PTCD3: variants seen among roughly 807,000 people sequenced by gnomAD.
PTCD3 encodes pentatricopeptide repeat domain 3.
A neutral mutation model predicts 101.9 loss-of-function variants in PTCD3; 89 were observed. The ratio of observed to expected loss-of-function variants is 0.87; its 90% confidence interval spans 0.74 to 1.04. The LOEUF is 1.04. Ranked by LOEUF, PTCD3 falls within the 50% of genes least tolerant of loss-of-function variation. The pLI is 0.00. For synonymous variants in PTCD3, 296 were observed against 278.5 expected (o/e 1.06, Z -0.63); for missense variants, 870 against 828.2 (o/e 1.05, Z -0.62).
chr2:86,111,120 G>C lies in PTCD3; in HGVS notation c.202G>C (p.Val68Leu). Residue 68 changes from valine (V) to leucine (L), a missense_variant, in exon 4 of 24, where the codon GTA becomes CTA. Coordinates refer to ENST00000254630, the MANE Select transcript of PTCD3 (RefSeq NM_017952.6). Reference protein sequence around the residue: ...VIPKKKTWDKVAVLQALASTV... With the variant: ...VIPKKKTWDKLAVLQALASTV... ...TGTGGTTCTTATTTTTAGGGATAAA[G>C]TAGCCGTTCTTCAGGCACTTGCATC... is the stretch of plus-strand genomic sequence containing the variant. 1 of 1,613,368 alleles carries C rather than the reference G, an allele frequency of 6.2e-7. No homozygotes were observed. The highest frequency in any genetic ancestry group is 1.3e-5 in the African/African-American group (1 of 75,004).
At chr2:86,110,759 T>G (rs1674063554) in intron 3 of PTCD3, among the ~76,000 whole-genome samples, 1 of 152,150 alleles carries the variant, frequency 6.6e-6, no homozygotes, top group African/African-American at 2.4e-5. Context: ...AGCTACCAAT[T>G]AGGATAGTAA....
In PTCD3 at chr2:86,127,159, A is replaced by T. The variant is rs754425967; in HGVS notation, c.952-2A>T. On this transcript the variant is annotated splice_acceptor_variant, in intron 12 of 23. Transcript: ENST00000254630. LOFTEE classifies it high-confidence loss of function. ...GATACTTCTTGTTTTTTATTCACCTAGGAGCTGCTAAGACACATGGTTGCA... is the reference window on the plus strand; with the variant it reads ...GATACTTCTTGTTTTTTATTCACCTTGGAGCTGCTAAGACACATGGTTGCA... 1 of 1,609,282 alleles carries T rather than the reference A, an allele frequency of 6.2e-7. No homozygotes were observed. Among genetic ancestry groups the T allele is most frequent in the South Asian group, 1.1e-5 (1 of 90,402 alleles).
chr2:86,127,725 G>A, intron 13 of PTCD3: 1 of 562,154 alleles, frequency 1.8e-6, no homozygotes. Context: ...TGACTAATAA[G>A]TATTTGGACT....
At position 86,111,107 on chromosome 2, in the gene PTCD3, T is replaced by G. The variant is rs779843460; in HGVS notation, c.195-6T>G. The G allele has an allele frequency of 6.2e-7, 1 of 1,612,264 alleles. No individual in the cohort carries two copies. The highest frequency in any genetic ancestry group is 1.1e-5 in the South Asian group (1 of 91,034). ...ATGAGGATTAACTTGTGGTTCTTAT[T>G]TTTAGGGATAAAGTAGCCGTTCTTC... On this transcript the variant is annotated splice_region_variant and splice_polypyrimidine_tract_variant and intron_variant, in intron 3 of 23. Transcript: ENST00000254630.
intron 8 of PTCD3, among the ~76,000 whole-genome samples, 180 bp from the exon 9 acceptor site, chr2:86,123,521 G>A (rs1412664783): frequency 6.6e-6 from 1 of 152,144 alleles, no homozygotes; most frequent in Non-Finnish European, 1.5e-5. Context: ...CATCTGATTT[G>A]CACTTAAGAA....
chr2:86,115,711 A>G (rs1226107234), intron 4 of PTCD3, among the ~76,000 whole-genome samples: 2 of 152,150 alleles, frequency 1.3e-5, no homozygotes, highest in Non-Finnish European at 2.9e-5. Flanking sequence ...GAATAAAGAA[A>G]GCAATTCTGG....
chr2:86,136,891 G>A, intron 22 of PTCD3, 91 bp from the exon 23 acceptor site: 1 of 1,455,566 alleles, frequency 6.9e-7, no homozygotes, highest in Non-Finnish European at 9.5e-7. Context: ...ATACTGTTGG[G>A]AATTCTGTTA....
chr2:86,119,148 T>C (rs1358790947), intron 7 of PTCD3, 104 bp downstream of exon 7: 2 of 1,410,082 alleles, frequency 1.4e-6, no homozygotes, highest in Admixed American at 2.3e-5. Context: ...CCTGCTGTAC[T>C]TACTCTGCTT....
At chr2:86,136,039 C>T (rs771327981) in intron 21 of PTCD3, 6 of 518,862 alleles carry the variant, frequency 1.2e-5, no homozygotes, top group Admixed American at 9.7e-5. Context: ...ACAGACTGAA[C>T]CCCTGCTGTA....
In PTCD3 at chr2:86,125,769, AATTTTATC is replaced by A. The variant is rs766587648; in HGVS notation, c.866-18_866-11del. ...ATTTAGGGATTAATCTTCAACCCCA[AATTTTATC>A]ATTTTATTATTTTACAGCTGATGTA... On this transcript the variant is annotated intron_variant, in intron 11 of 23. Transcript: ENST00000254630. 1.9e-6 allele frequency: 3 copies of A among 1,540,826 alleles called. No homozygotes were observed. Among genetic ancestry groups the A allele is most frequent in the Non-Finnish European group, 2.7e-6 (3 of 1,120,340 alleles).
chr2:86,110,914 G>A, intron 3 of PTCD3, 199 bp from the exon 4 acceptor site: 1 of 742,334 alleles, frequency 1.3e-6, no homozygotes, highest in Non-Finnish European at 2.5e-6. Context: ...GACAGGCAAA[G>A]AGAGGAACAT....
At chr2:86,119,700 A>C (rs1188092757) in intron 7 of PTCD3, 1 of 152,258 alleles carries the variant, frequency 6.6e-6, no homozygotes, top group Non-Finnish European at 1.5e-5. Context: ...GCCACAACAC[A>C]CAAGAAAGAA....
Position 86,123,716 on chromosome 2 carries a change from G to A in PTCD3, c.670G>A (p.Glu224Lys), listed in dbSNP as rs1674334585. ...TTCATTTCAGGAAGAGGAAAATGAT[G>A]AGACATCTAGGAGGAAAGCTGGTCA... ...QSEALEEEND[E>K]TSRRKAGHQF... The change falls in exon 9 of 24, where the codon GAG (glutamate) becomes AAG (lysine). Residue 224 changes from glutamate to lysine, a missense_variant. By Grantham distance (56) the Glu-to-Lys change is moderately conservative. Coordinates refer to ENST00000254630, the MANE Select transcript of PTCD3 (RefSeq NM_017952.6). The A allele has an allele frequency of 1.3e-6, 2 of 1,595,120 alleles. No individual in the cohort carries two copies. Among genetic ancestry groups the A allele is most frequent in the Admixed American group, 1.8e-5 (1 of 54,994 alleles).
At chr2:86,131,998 C>A (rs1444080552) in intron 16 of PTCD3, among the ~76,000 whole-genome samples, 1 of 152,162 alleles carries the variant, frequency 6.6e-6, no homozygotes, top group South Asian at 2.1e-4. Context: ...ACTTAACTTT[C>A]CTGTGGGTAG....
At chr2:86,125,686 T>C (rs953113756) in intron 11 of PTCD3, 109 bp from the exon 12 acceptor site, 2 of 1,053,864 alleles carry the variant, frequency 1.9e-6, no homozygotes, top group Non-Finnish European at 2.8e-6. Flanking sequence ...TCCAGTTTTG[T>C]GGACATGTGA....
intron 13 of PTCD3, 194 bp from the exon 14 acceptor site, chr2:86,127,747 A>G: frequency 1.7e-6 from 1 of 584,534 alleles, no homozygotes; most frequent in Non-Finnish European, 3.0e-6. Flanking sequence ...TCAAAAAGTG[A>G]TACAGTCTTT....
At chr2:86,127,494 A>G in intron 13 of PTCD3, 189 bp downstream of exon 13, 8 of 618,906 alleles carry the variant, frequency 1.3e-5, no homozygotes, top group Non-Finnish European at 1.9e-5. Flanking sequence ...CTTAGTGTTC[A>G]TTAGTATTTT....
intron 7 of PTCD3, among the ~76,000 whole-genome samples, chr2:86,120,709 A>C (rs1674264613): frequency 6.6e-6 from 1 of 152,210 alleles, no homozygotes; most frequent in South Asian, 2.1e-4. Flanking sequence ...AGCCTGGGCA[A>C]CATAGCGAGA....
At chr2:86,130,836 TA>T (rs935681927) in intron 15 of PTCD3, 99 bp downstream of exon 15, 19 of 1,458,754 alleles carry the variant, frequency 1.3e-5, no homozygotes, top group African/African-American at 8.1e-5. Flanking sequence ...AGCTTAGAAG[TA>T]TTTTTTTTTT....
Sources: gnomAD v4.1 joint callset for allele counts (sites outside exome capture counted in the v4.1 genomes callset) on GRCh38, gnomAD v4.1.1 for gene constraint, MANE v1.5 for transcripts, NCBI Gene and HGNC (gene_info 2026-07-23, HGNC 2026-07-21) for gene names.